Variants in TGFBR3 observed in about 807,000 individuals in gnomAD.
The protein encoded by TGFBR3 is transforming growth factor beta receptor type 3.
Under a neutral mutation model 87.9 loss-of-function variants are expected in TGFBR3, and 46 were observed. The ratio of observed to expected loss-of-function variants is 0.52; its 90% CI spans 0.41 to 0.67. The LOEUF (loss-of-function observed/expected upper bound fraction) is 0.67. TGFBR3 is among the 30% of genes least tolerant of loss of function. The pLI, the probability that TGFBR3 is intolerant of heterozygous loss-of-function variation, is 0.00. For synonymous variants in TGFBR3, 381 were observed against 391.6 expected, an observed-to-expected ratio of 0.97 and a Z score of 0.32; for missense variants, 866 against 1,041.9, an observed-to-expected ratio of 0.83 and a Z score of 2.32.
chr1:91,804,263 C>T (rs376387322), intron 2 of TGFBR3, among the ~76,000 whole-genome samples: 16 of 152,206 alleles, frequency 1.1e-4, no homozygotes, highest in African/African-American at 3.4e-4. Flanking sequence ...GGCTTCCCCA[C>T]CTTCAACTGT....
intron 2 of TGFBR3, among the ~76,000 whole-genome samples, chr1:91,802,093 T>C (rs1675651711): frequency 6.6e-6 from 1 of 151,908 alleles, no homozygotes; most frequent in Non-Finnish European, 1.5e-5. Flanking sequence ...GGGGAGAGGG[T>C]TTCCTTTGGG....
intron 14 of TGFBR3, among the ~76,000 whole-genome samples, chr1:91,707,532 C>T (rs1475307678): frequency 1.3e-5 from 2 of 152,184 alleles, no homozygotes; most frequent in Non-Finnish European, 2.9e-5. Flanking sequence ...CACACCAAAC[C>T]CTAGATCTGG....
Position 91,682,628 on chromosome 1 carries a change from A to G in TGFBR3, c.*1111T>C. 2.2e-6 allele frequency: 1 copy of G among 453,784 alleles called. No individual in the cohort carries two copies. Among genetic ancestry groups the G allele is most frequent in the South Asian group, 1.6e-5 (1 of 64,422 alleles). 28.1% of individuals were successfully genotyped at this position (453,784 alleles called of 1,614,324 possible). ...ATTGGTGACACTATTCAGATAACCA[A>G]CTGGAGACCGACAGGATTTGCCATG... On this transcript the variant is annotated 3_prime_UTR_variant, in exon 17 of 17. Coordinates refer to ENST00000212355, the MANE Select transcript of TGFBR3 (RefSeq NM_003243.5).
upstream of TGFBR3, among the ~76,000 whole-genome samples, chr1:91,889,104 C>T (rs757286594): frequency 6.6e-6 from 1 of 152,188 alleles, no homozygotes; most frequent in East Asian, 1.9e-4. Context: ...AGGCTGCTCT[C>T]GAACTCCTGA....
At chr1:91,791,134 T>A (rs1249526797) in intron 3 of TGFBR3, among the ~76,000 whole-genome samples, 1 of 152,210 alleles carries the variant, frequency 6.6e-6, no homozygotes, top group African/African-American at 2.4e-5. Context: ...TTGCATATCA[T>A]TCTTAGCAAG....
intron 14 of TGFBR3, among the ~76,000 whole-genome samples, chr1:91,705,124 T>G (rs1671751101): frequency 6.6e-6 from 1 of 152,102 alleles, no homozygotes; most frequent in Admixed American, 6.5e-5. Context: ...TCACAGATTC[T>G]ACAATAAAGA....
chr1:91,712,382 A>G lies in TGFBR3; in HGVS notation c.2027T>C (p.Phe676Ser), dbSNP rs147485470. 2.0e-5 allele frequency: 33 copies of G among 1,614,102 alleles called. No homozygotes were observed. Among genetic ancestry groups the G allele is most frequent in the Non-Finnish European group, 2.8e-5 (33 of 1,180,036 alleles). ...ATCCATGTCAGCTTGCGGGATAGGA[A>G]AGTGCACTCTCTTGGGACTGTAGAA... Reference protein sequence around the residue: ...VKFYSPKRVHFPIPQADMDKK... With the variant: ...VKFYSPKRVHSPIPQADMDKK... The change falls in exon 13 of 17, where the codon TTT becomes TCT. Residue 676 changes from phenylalanine (F) to serine (S), a missense_variant. Physicochemically the swap from Phe to Ser is radical, Grantham distance 155. Coordinates refer to ENST00000212355, the MANE Select transcript of TGFBR3 (RefSeq NM_003243.5).
intron 7 of TGFBR3, among the ~76,000 whole-genome samples, chr1:91,723,026 T>C (rs561780949): frequency 1.3e-5 from 2 of 152,352 alleles, no homozygotes; most frequent in South Asian, 4.1e-4. Context: ...TTATATTTCA[T>C]CTAAAATGTA....
chr1:91,827,222 G>A (rs1557731557), intron 2 of TGFBR3, among the ~76,000 whole-genome samples: 2 of 152,106 alleles, frequency 1.3e-5, no homozygotes, highest in Non-Finnish European at 2.9e-5. Context: ...GATGTTAAGC[G>A]CTGTAGCAAC....
intron 2 of TGFBR3, among the ~76,000 whole-genome samples, chr1:91,824,915 G>A (rs190242171): frequency 2.6e-5 from 4 of 152,130 alleles, no homozygotes; most frequent in African/African-American, 7.2e-5. Flanking sequence ...AGCCAAGATC[G>A]CACTACTGCA....
chr1:91,720,085 A>T lies in TGFBR3; in HGVS notation c.1221T>A (p.Asp407Glu). Residue 407 changes from aspartate to glutamate, a missense_variant, in exon 9 of 17, where the codon GAT (aspartate) becomes GAA (glutamate). Asp to Glu is a conservative substitution (Grantham distance 45). Transcript: ENST00000212355. ...QNGGLPFPFP[D>E]ISRRVWNEEG... Reference sequence around the variant, plus strand: ...CTTCATTCCAGACTCTCCTGGAAATATCTGGGAAAGGAAACGGAAGGCCTC... The same window carrying T: ...CTTCATTCCAGACTCTCCTGGAAATTTCTGGGAAAGGAAACGGAAGGCCTC... 6.2e-7 allele frequency: 1 copy of T among 1,614,174 alleles called. No individual in the cohort carries two copies. Among genetic ancestry groups the T allele is most frequent in the Non-Finnish European group, 8.5e-7 (1 of 1,180,036 alleles).
intron 1 of TGFBR3, among the ~76,000 whole-genome samples, chr1:91,872,984 G>C (rs1353415384): frequency 6.6e-6 from 1 of 151,642 alleles, no homozygotes; most frequent in South Asian, 2.1e-4. Flanking sequence ...GGGAGGGGGG[G>C]ATAGGGTTTC....
chr1:91,720,176 A>C lies in TGFBR3; in HGVS notation c.1130T>G (p.Leu377Arg). 4 of 1,613,076 alleles carry C rather than the reference A, an allele frequency of 2.5e-6. No homozygotes were observed. The South Asian group carries it at 4.4e-5, about 18-fold the overall frequency. Reference sequence around the variant, plus strand: ...GGCAGGCAGGGCACCAGGGTCCAGCAGGATCCGTAGCTCAGGAGGAATAGT... The same window carrying C: ...GGCAGGCAGGGCACCAGGGTCCAGCCGGATCCGTAGCTCAGGAGGAATAGT... ...VHTIPPELRI[L>R]LDPGALPALQ... is the part of the protein sequence containing the mutation. The change falls in exon 9 of 17, where the codon CTG (leucine) becomes CGG (arginine). Residue 377 changes from leucine to arginine, a missense_variant. Coordinates refer to ENST00000212355, the MANE Select transcript of TGFBR3 (RefSeq NM_003243.5).
chr1:91,834,040 G>GA (rs1430089111), intron 2 of TGFBR3, among the ~76,000 whole-genome samples: 1 of 152,128 alleles, frequency 6.6e-6, no homozygotes, highest in Non-Finnish European at 1.5e-5. Context: ...AAAGCCTCCA[G>GA]AAAAAGGAAC....
chr1:91,796,873 C>T (rs1047353820), intron 3 of TGFBR3, among the ~76,000 whole-genome samples: 4 of 151,980 alleles, frequency 2.6e-5, no homozygotes, highest in African/African-American at 9.7e-5. Context: ...CTAACTACCA[C>T]ACCCTGCTAA....
At chr1:91,719,762 C>T in intron 9 of TGFBR3, 131 bp downstream of exon 9, 1 of 1,061,266 alleles carries the variant, frequency 9.4e-7, no homozygotes, top group Non-Finnish European at 1.4e-6. Flanking sequence ...GTAGGCCCAT[C>T]CAACTGAGAA....
At chr1:91,789,242 G>C (rs1321197569) in intron 3 of TGFBR3, among the ~76,000 whole-genome samples, 1 of 152,198 alleles carries the variant, frequency 6.6e-6, no homozygotes, top group Non-Finnish European at 1.5e-5. Context: ...AAGAGGCGGA[G>C]GTTGCAGTGA....
intron 2 of TGFBR3, among the ~76,000 whole-genome samples, chr1:91,807,008 T>C (rs1675859853): frequency 6.6e-6 from 1 of 152,154 alleles, no homozygotes; most frequent in South Asian, 2.1e-4. Context: ...CAACACAGGA[T>C]ATGACGCAAA....
chr1:91,727,988 A>G (rs751874833), intron 6 of TGFBR3, 182 bp from the exon 7 acceptor site: 24 of 663,510 alleles, frequency 3.6e-5, no homozygotes, highest in African/African-American at 5.4e-5. Flanking sequence ...ATTGTTTTAC[A>G]TAACAATAGA....
Sources: allele counts gnomAD v4.1 joint callset (sites outside exome capture counted in the v4.1 genomes callset), GRCh38; gene constraint gnomAD v4.1.1; transcripts MANE v1.5; gene names NCBI Gene and HGNC (gene_info 2026-07-23, HGNC 2026-07-21).